The following FOXP2 variants were observed in gnomAD, a reference collection of about 807,000 sequenced individuals.
FOXP2 encodes forkhead box protein P2.
FOXP2 carries 12 observed loss-of-function variants against 115.8 expected under a neutral mutation model. The ratio of observed to expected loss-of-function variants is 0.10; its 90% CI spans 0.07 to 0.17. The LOEUF (loss-of-function observed/expected upper bound fraction) is 0.17. Among genes scored for constraint, FOXP2 ranks in the 10% least tolerant of loss-of-function variants. The pLI, the probability that FOXP2 is intolerant of heterozygous loss-of-function variation, is 1.00. For synonymous variants in FOXP2, 328 were observed against 297.7 expected (o/e 1.10, Z -1.05); for missense variants, 629 against 843.5 (o/e 0.75, Z 3.15).
chr7:114,518,364 T>A (rs1303023463), intron 2 of FOXP2, among the ~76,000 whole-genome samples: 1 of 152,128 alleles, frequency 6.6e-6, no homozygotes, highest in Non-Finnish European at 1.5e-5. Context: ...ACTTTTATGT[T>A]TTTTCCCCAA....
chr7:114,418,425 G>A (rs985723216), intron 1 of FOXP2, among the ~76,000 whole-genome samples: 6 of 151,882 alleles, frequency 4.0e-5, no homozygotes, highest in Non-Finnish European at 7.4e-5. Context: ...TGTGGCTAGC[G>A]AGGTTTGTGT....
intron 2 of FOXP2, among the ~76,000 whole-genome samples, chr7:114,527,914 C>G (rs148086519): frequency 1.3e-5 from 2 of 152,170 alleles, no homozygotes; most frequent in East Asian, 3.9e-4. Context: ...GACAGTTGCA[C>G]GTACGTTTTT....
intron 1 of FOXP2, among the ~76,000 whole-genome samples, chr7:114,420,999 T>C (rs1026217437): frequency 1.3e-5 from 2 of 151,672 alleles, no homozygotes; most frequent in East Asian, 3.9e-4. Context: ...TTGAAATATA[T>C]TTTTGAGTAA....
intron 2 of FOXP2, among the ~76,000 whole-genome samples, chr7:114,518,813 T>C (rs1281940636): frequency 6.6e-6 from 1 of 152,142 alleles, no homozygotes; most frequent in Non-Finnish European, 1.5e-5. Flanking sequence ...GCCCTAGAAT[T>C]TTAAGAATGT....
chr7:114,180,890 A>G (rs959484031), intron 1 of FOXP2, among the ~76,000 whole-genome samples: 2 of 151,794 alleles, frequency 1.3e-5, no homozygotes, highest in East Asian at 1.9e-4. Flanking sequence ...ATCTCCTCCA[A>G]TTCACTAGGT....
intron 3 of FOXP2, among the ~76,000 whole-genome samples, chr7:114,591,166 T>C (rs187877986): frequency 3.9e-5 from 6 of 152,274 alleles, no homozygotes; most frequent in Non-Finnish European, 8.8e-5. Flanking sequence ...AATAAATGTT[T>C]ACTGTGTATA....
intron 1 of FOXP2, among the ~76,000 whole-genome samples, chr7:114,133,436 G>A (rs993801018): frequency 2.6e-5 from 4 of 152,166 alleles, no homozygotes; most frequent in Non-Finnish European, 5.9e-5. Context: ...GCATATAGGC[G>A]TTACTAGAAA....
At chr7:114,219,569 G>A (rs927695643) in intron 1 of FOXP2, among the ~76,000 whole-genome samples, 1 of 152,072 alleles carries the variant, frequency 6.6e-6, no homozygotes, top group Non-Finnish European at 1.5e-5. Context: ...TGAGTTTTGA[G>A]TCACTTTATT....
chr7:114,488,534 A>G (rs1399929924), intron 2 of FOXP2, among the ~76,000 whole-genome samples: 1 of 152,214 alleles, frequency 6.6e-6, no homozygotes, highest in African/African-American at 2.4e-5. Context: ...CCACAGGATT[A>G]TAACAATATA....
intron 2 of FOXP2, among the ~76,000 whole-genome samples, chr7:114,469,108 T>C (rs1333990022): frequency 6.6e-6 from 1 of 152,124 alleles, no homozygotes; most frequent in Non-Finnish European, 1.5e-5. Context: ...TTGGCCTTCT[T>C]GACCACAGAC....
intron 3 of FOXP2, among the ~76,000 whole-genome samples, chr7:114,541,438 A>G (rs1799656272): frequency 6.6e-6 from 1 of 152,058 alleles, no homozygotes; most frequent in South Asian, 2.1e-4. Flanking sequence ...ATAAAATTTA[A>G]GGCTTTTCAG....
chr7:114,527,734 G>T (rs1040648767), intron 2 of FOXP2, among the ~76,000 whole-genome samples: 1 of 152,012 alleles, frequency 6.6e-6, no homozygotes, highest in African/African-American at 2.4e-5. Context: ...TAGTAGTGGC[G>T]CAGCTGTTCT....
intron 2 of FOXP2, among the ~76,000 whole-genome samples, chr7:114,381,187 G>T (rs557845209): frequency 6.6e-6 from 1 of 152,188 alleles, no homozygotes; most frequent in Non-Finnish European, 1.5e-5. Flanking sequence ...TTGGGATGAG[G>T]ATAAGCCAGT....
rs565187420 is a variant in FOXP2 at position 114,195,896 on chromosome 7, C to A, written c.-102+32808C>A. 1.6e-3 allele frequency among the ~76,000 whole-genome samples: 240 copies of A among 152,164 alleles called. 2 individuals are homozygous for A. Among genetic ancestry groups the A allele is most frequent in the African/African-American group, 5.7e-3 (238 of 41,516 alleles). On this transcript the variant is annotated intron_variant, in intron 1 of 17. Coordinates refer to the FOXP2 transcript ENST00000634411. Reference sequence around the variant, plus strand: ...ACTTGGGAGGCTAAGGAGGGAGAATCGCTTGAGCCCAGGATTTTGAGTCCA... The same window carrying A: ...ACTTGGGAGGCTAAGGAGGGAGAATAGCTTGAGCCCAGGATTTTGAGTCCA...
chr7:114,402,594 G>T lies in FOXP2; in HGVS notation c.-10-23908G>T, dbSNP rs548130580. ...CTCAGACCACATGGTTTGTTAAATG[G>T]CACCCCTGCAAAAACCATGCAAGCA... On this transcript the variant is annotated intron_variant, in intron 2 of 17. Coordinates refer to the FOXP2 transcript ENST00000634411. 7.9e-5 allele frequency among the ~76,000 whole-genome samples: 12 copies of T among 151,840 alleles called. 1 individual carries two copies. The South Asian group carries it at 2.3e-3, about 29-fold the overall frequency.
rs575480339 is a variant in FOXP2, at chr7:114,451,925, C to T, written c.168+25246C>T. Among the ~76,000 whole-genome samples, 27 of 151,900 alleles carry T rather than the reference C, an allele frequency of 1.8e-4. No individual in the cohort carries two copies. The South Asian group carries it at 4.6e-3, about 26-fold the overall frequency. On this transcript the variant is annotated intron_variant, in intron 2 of 16. Transcript: ENST00000350908. ...TTAGATGACAACTAATTTTTTATGC[C>T]GAATAATACATTGAAATGTAATTGT...
Position 114,690,129 on chromosome 7 carries a change from C to CTTTTTTTTTTTTTTT in FOXP2, c.*206_*220dup. ...TGCTTGTTTTCTTCTTCTTCTTCTT[C>CTTTTTTTTTTTTTTT]TTTTTTTTTTTTTTTTTAGAAAAAA... On this transcript the variant is annotated 3_prime_UTR_variant, in exon 17 of 17. Transcript: ENST00000350908. 4 of 420,578 alleles carry CTTTTTTTTTTTTTTT rather than the reference C, an allele frequency of 9.5e-6. No homozygotes were observed. The highest frequency in any genetic ancestry group is 5.8e-5 in the East Asian group (1 of 17,246). The allele number at this position is 420,578 out of a possible 1,614,324, so 26.1% of individuals were successfully genotyped here.
intron 2 of FOXP2, among the ~76,000 whole-genome samples, chr7:114,393,140 A>G (rs1020391643): frequency 2.6e-5 from 4 of 151,794 alleles, no homozygotes; most frequent in South Asian, 2.1e-4. Context: ...GTGCAATTCA[A>G]TTGTTCTGGA....
intron 1 of FOXP2, among the ~76,000 whole-genome samples, chr7:114,138,603 G>T (rs567193857): frequency 6.6e-6 from 1 of 152,216 alleles, no homozygotes; most frequent in East Asian, 1.9e-4. Flanking sequence ...ATGTTGGCCA[G>T]ACTGGTCTCG....
Sources: allele counts gnomAD v4.1 joint callset (sites outside exome capture counted in the v4.1 genomes callset), GRCh38; gene constraint gnomAD v4.1.1; transcripts MANE v1.5; gene names NCBI Gene and HGNC (gene_info 2026-07-23, HGNC 2026-07-21).